DOP1A: variants seen among roughly 807,000 people sequenced by gnomAD.
The protein encoded by DOP1A is protein DOP1A.
In DOP1A, 90 loss-of-function variants were observed where a neutral mutation model predicts 267.6. The observed-to-expected ratio is 0.34, with a 90% CI of 0.28 to 0.40. DOP1A has a LOEUF of 0.40. Ranked by LOEUF, DOP1A falls within the 10% of genes least tolerant of loss-of-function variation. The pLI, the probability that DOP1A is intolerant of heterozygous loss-of-function variation, is 1.00. For synonymous variants in DOP1A, 932 were observed against 999.1 expected (o/e 0.93, Z 1.27); for missense variants, 2,437 against 2,900.4 (o/e 0.84, Z 3.67).
At chr6:83,134,340 C>G in intron 19 of DOP1A, 53 bp downstream of exon 19, 1 of 1,487,110 alleles carries the variant, frequency 6.7e-7, no homozygotes, top group East Asian at 2.3e-5. Context: ...AATGTTGCCT[C>G]TTTCCTTGAG....
chr6:83,157,123 A>T, intron 34 of DOP1A, 59 bp from the exon 35 acceptor site: 1 of 1,556,210 alleles, frequency 6.4e-7, no homozygotes, highest in Non-Finnish European at 8.7e-7. Context: ...CCGACAATAT[A>T]GAAAGTTTTA....
At chr6:83,072,401 G>C (rs1382787779) in intron 1 of DOP1A, among the ~76,000 whole-genome samples, 1 of 152,024 alleles carries the variant, frequency 6.6e-6, no homozygotes, top group Non-Finnish European at 1.5e-5. Flanking sequence ...CCTGGGTTTT[G>C]TTTTTGTTTT....
intron 20 of DOP1A, among the ~76,000 whole-genome samples, chr6:83,136,502 A>G (rs910882083): frequency 1.3e-5 from 2 of 152,232 alleles, no homozygotes; most frequent in East Asian, 1.9e-4. Context: ...GGTGGTAATG[A>G]AAAGATCATT....
chr6:83,154,072 A>G, intron 32 of DOP1A, 29 bp downstream of exon 32: 1 of 1,613,544 alleles, frequency 6.2e-7, no homozygotes, highest in Non-Finnish European at 8.5e-7. Flanking sequence ...TGTATTCAGC[A>G]TGATGCACCT....
intron 4 of DOP1A, among the ~76,000 whole-genome samples, chr6:83,108,201 C>A (rs959505647): frequency 6.6e-6 from 1 of 152,016 alleles, no homozygotes; most frequent in Non-Finnish European, 1.5e-5. Flanking sequence ...ATTTTTGGAT[C>A]CAGGCTGTCA....
chr6:83,165,828 C>T (rs1785372646), intron 38 of DOP1A: 1 of 316,020 alleles, frequency 3.2e-6, no homozygotes, highest in South Asian at 2.9e-5. Context: ...GTGGCCAATG[C>T]CGGCTGCAGG....
rs76578575 is a variant in DOP1A at position 83,094,204 on chromosome 6, A to G, written c.-146-2527A>G. ...ATGTCAATGGCTTCTTTCACTTACAATGTTTTCAAGGTTCATGCGTGTTAT... is the reference window on the plus strand; with the variant it reads ...ATGTCAATGGCTTCTTTCACTTACAGTGTTTTCAAGGTTCATGCGTGTTAT... On this transcript the variant is annotated intron_variant, in intron 1 of 38. Transcript: ENST00000349129. Among the ~76,000 whole-genome samples, 671 of 152,188 alleles carry G rather than the reference A, an allele frequency of 4.4e-3. 8 individuals are homozygous for G. Among genetic ancestry groups the G allele is most frequent in the East Asian group, 0.037 (191 of 5,180 alleles).
rs3207620 is a variant in DOP1A, at chr6:83,168,299, T to C, written c.*132T>C. 3.4e-3 allele frequency: 4,830 copies of C among 1,432,122 alleles called. 139 individuals carry two copies. In the African/African-American group the frequency reaches 0.057, roughly 17 times the overall value. The allele number at this position is 1,432,122 out of a possible 1,614,324, so 88.7% of individuals were successfully genotyped here. A position where few individuals can be genotyped will look rare whatever the true frequency, so the allele number is the denominator to read the frequency against. The stretch of plus-strand genomic sequence containing the variant: ...TTTCAGATTGTATTTAATTTAAATA[T>C]TTGTATATAAGAGCAAATGTCTGAA... On this transcript the variant is annotated 3_prime_UTR_variant, in exon 39 of 39. Transcript: ENST00000349129.
intron 1 of DOP1A, among the ~76,000 whole-genome samples, chr6:83,084,536 G>T (rs1768718213): frequency 6.6e-6 from 1 of 152,048 alleles, no homozygotes; most frequent in South Asian, 2.1e-4. Flanking sequence ...GAAAAGATTT[G>T]ACTTCGACGT....
intron 24 of DOP1A, among the ~76,000 whole-genome samples, chr6:83,145,240 TA>T (rs372979885): frequency 0.19 from 776 of 4,130 alleles, 40 homozygotes; most frequent in East Asian, 0.38. Context: ...TATATATAAG[TA>T]AAATTTGCCT....
intron 24 of DOP1A, among the ~76,000 whole-genome samples, chr6:83,143,661 G>A (rs1779987334): frequency 6.6e-6 from 1 of 152,080 alleles, no homozygotes; most frequent in East Asian, 1.9e-4. Context: ...AATATTTTTA[G>A]GAGGGTTGGA....
chr6:83,114,840 T>G (rs1335895501), intron 7 of DOP1A, among the ~76,000 whole-genome samples: 4 of 152,218 alleles, frequency 2.6e-5, no homozygotes, highest in African/African-American at 7.2e-5. Context: ...GAATGTGTTT[T>G]TTAAAAGTAT....
At chr6:83,094,393 T>C (rs1771062754) in intron 1 of DOP1A, among the ~76,000 whole-genome samples, 1 of 152,232 alleles carries the variant, frequency 6.6e-6, no homozygotes, top group Non-Finnish European at 1.5e-5. Flanking sequence ...ACATATATTT[T>C]CATTTCTCTT....
In DOP1A at chr6:83,119,826, T is replaced by A; in HGVS notation, c.959T>A (p.Phe320Tyr). The A allele has an allele frequency of 6.2e-7, 1 of 1,612,898 alleles. No individual in the cohort carries two copies. Among genetic ancestry groups the A allele is most frequent in the Non-Finnish European group, 8.5e-7 (1 of 1,179,140 alleles). Reference sequence around the variant, plus strand: ...CCTGAAGAACATGCCACTTACTATTTCACTACCTTTTCAAAAGAATTATTA... The same window carrying A: ...CCTGAAGAACATGCCACTTACTATTACACTACCTTTTCAAAAGAATTATTA... ...SNPEEHATYY[F>Y]TTFSKELLVQ... Residue 320 changes from phenylalanine to tyrosine, a missense_variant, in exon 9 of 39, where the codon TTC (phenylalanine) becomes TAC (tyrosine). Physicochemically the swap from Phe to Tyr is conservative, Grantham distance 22. This residue lies in a region of DOP1A where 498 missense variants were observed against 513.5 expected (regional missense o/e 0.97). Coordinates refer to ENST00000349129, the MANE Select transcript of DOP1A (RefSeq NM_015018.4).
At chr6:83,161,405 TAA>T (rs1346425698) in intron 37 of DOP1A, among the ~76,000 whole-genome samples, 1 of 152,216 alleles carries the variant, frequency 6.6e-6, no homozygotes, top group African/African-American at 2.4e-5. Context: ...AAATACTTGA[TAA>T]GTTTACTGTA....
At chr6:83,125,774 T>G (rs1777058838) in intron 15 of DOP1A, 41 bp downstream of exon 15, 1 of 1,516,106 alleles carries the variant, frequency 6.6e-7, no homozygotes, top group Non-Finnish European at 9.1e-7. Flanking sequence ...CTGTTCATAT[T>G]TCTTCAAAGC....
chr6:83,164,605 C>T, intron 38 of DOP1A: 1 of 1,506,354 alleles, frequency 6.6e-7, no homozygotes, highest in Non-Finnish European at 9.0e-7. Context: ...TCTTCATGGC[C>T]AAGCATACTT....
At chr6:83,152,052 T>C (rs2128333971) in intron 29 of DOP1A, 25 bp downstream of exon 29, 1 of 1,613,084 alleles carries the variant, frequency 6.2e-7, no homozygotes, top group Non-Finnish European at 8.5e-7. Context: ...CATTTAGGTT[T>C]ATTATCTGTA....
At chr6:83,152,620 CT>C (rs35823510) in intron 30 of DOP1A, among the ~76,000 whole-genome samples, 208 of 133,834 alleles carry the variant, frequency 1.6e-3, no homozygotes, top group African/African-American at 1.9e-3. Context: ...TTTTCTTTTT[CT>C]TTTTTTTTTT....
Sources: allele counts gnomAD v4.1 joint callset (sites outside exome capture counted in the v4.1 genomes callset), GRCh38; gene constraint gnomAD v4.1.1; regional missense constraint gnomAD v4.1.1; transcripts MANE v1.5; gene names NCBI Gene and HGNC (gene_info 2026-07-23, HGNC 2026-07-21).